Variants in SLC35F4 observed in about 807,000 individuals in gnomAD.
SLC35F4 encodes the protein chromosome 14 open reading frame 36.
SLC35F4 carries 24 observed loss-of-function variants against 44.2 expected under a neutral mutation model. The ratio of observed to expected loss-of-function variants is 0.54; its 90% CI spans 0.39 to 0.76. The LOEUF is 0.76. Among genes scored for constraint, SLC35F4 ranks in the 30% least tolerant of loss-of-function variants. The pLI is 0.00. For missense variants in SLC35F4, 562 were observed against 586.1 expected (o/e 0.96, Z 0.42); for synonymous variants, 238 against 223.6 (o/e 1.06, Z -0.57).
chr14:57,828,726 A>G (rs1884046187), intron 1 of SLC35F4, among the ~76,000 whole-genome samples: 1 of 152,296 alleles, frequency 6.6e-6, no homozygotes, highest in Admixed American at 6.5e-5. Flanking sequence ...GTGATCCAGG[A>G]TAGGAGTTGG....
chr14:57,613,970 C>G (rs1404666900), intron 1 of SLC35F4, among the ~76,000 whole-genome samples: 2 of 152,204 alleles, frequency 1.3e-5, no homozygotes, highest in African/African-American at 4.8e-5. Flanking sequence ...TGCCTTTTCA[C>G]CTAGAAGGCT....
At chr14:57,977,824 C>T (rs188031686) in intron 1 of SLC35F4, among the ~76,000 whole-genome samples, 12 of 152,188 alleles carry the variant, frequency 7.9e-5, no homozygotes, top group South Asian at 4.1e-4. Context: ...GGAGTGGCCC[C>T]GAAAGACAGT....
At chr14:57,735,875 C>T (rs1277939358) in intron 1 of SLC35F4, among the ~76,000 whole-genome samples, 8 of 152,084 alleles carry the variant, frequency 5.3e-5, no homozygotes, top group Non-Finnish European at 1.2e-4. Flanking sequence ...GTGTGTGCCA[C>T]CACCCCCGGC....
At chr14:57,758,923 T>G (rs544591684) in intron 1 of SLC35F4, among the ~76,000 whole-genome samples, 1 of 152,308 alleles carries the variant, frequency 6.6e-6, no homozygotes, top group Non-Finnish European at 1.5e-5. Context: ...GAAACCACCA[T>G]TCTATCCTCT....
chr14:57,804,852 T>A (rs543277155), intron 1 of SLC35F4, among the ~76,000 whole-genome samples: 1 of 151,644 alleles, frequency 6.6e-6, no homozygotes, highest in Non-Finnish European at 1.5e-5. Context: ...TGGGAGAAAA[T>A]TTTTGCAATA....
chr14:57,964,407 T>TA (rs34459578), intron 1 of SLC35F4, among the ~76,000 whole-genome samples: 21 of 150,610 alleles, frequency 1.4e-4, no homozygotes, highest in East Asian at 2.0e-4. Flanking sequence ...ACTCTAAATT[T>TA]AAAAAAAAAA....
intron 1 of SLC35F4, among the ~76,000 whole-genome samples, chr14:57,934,179 T>C (rs1889753611): frequency 2.0e-5 from 3 of 151,810 alleles, no homozygotes; most frequent in African/African-American, 7.3e-5. Flanking sequence ...ATTCCAACAT[T>C]TTTTGTTCTT....
At chr14:57,928,503 A>C (rs140406690) in intron 1 of SLC35F4, among the ~76,000 whole-genome samples, 1 of 152,188 alleles carries the variant, frequency 6.6e-6, no homozygotes, top group Non-Finnish European at 1.5e-5. Flanking sequence ...GCATTAACTG[A>C]GGCTGAGAGG....
chr14:57,832,560 A>G (rs11850873), intron 1 of SLC35F4, among the ~76,000 whole-genome samples: 39,119 of 152,154 alleles, frequency 0.26, 5,344 homozygotes, highest in Admixed American at 0.37. Flanking sequence ...GCTTTATGAC[A>G]GGACTATTTT....
chr14:57,918,011 T>C (rs1889364122), intron 1 of SLC35F4, among the ~76,000 whole-genome samples: 2 of 152,278 alleles, frequency 1.3e-5, no homozygotes, highest in South Asian at 4.2e-4. Flanking sequence ...CTGGATGTGG[T>C]TGGATGTTTT....
chr14:57,886,200 C>T (rs1200672278), intron 1 of SLC35F4, among the ~76,000 whole-genome samples: 1 of 152,116 alleles, frequency 6.6e-6, no homozygotes, highest in East Asian at 1.9e-4. Context: ...AATAAGTTAC[C>T]ATAAGCATTG....
intron 1 of SLC35F4, among the ~76,000 whole-genome samples, chr14:57,597,933 G>A (rs999112052): frequency 1.2e-4 from 18 of 152,238 alleles, no homozygotes; most frequent in African/African-American, 4.3e-4. Context: ...GTCTAAACCT[G>A]GGGAGACCTC....
At chr14:57,801,991 C>A (rs1478239360) in intron 1 of SLC35F4, among the ~76,000 whole-genome samples, 1 of 152,178 alleles carries the variant, frequency 6.6e-6, no homozygotes, top group Non-Finnish European at 1.5e-5. Context: ...CAATAGATAT[C>A]TACAGAACTC....
chr14:57,782,533 G>A (rs766656300), intron 1 of SLC35F4, among the ~76,000 whole-genome samples: 6 of 152,184 alleles, frequency 3.9e-5, no homozygotes, highest in Non-Finnish European at 7.3e-5. Context: ...ACATGGTGGT[G>A]TTTGCAGTTA....
chr14:57,982,977 A>T (rs1019693855), upstream of SLC35F4, among the ~76,000 whole-genome samples: 1 of 151,994 alleles, frequency 6.6e-6, no homozygotes, highest in African/African-American at 2.4e-5. Flanking sequence ...CTGTTCAAGG[A>T]CTCTTGTTTC....
At chr14:57,884,489 C>A (rs938111292) in intron 1 of SLC35F4, among the ~76,000 whole-genome samples, 2 of 152,148 alleles carry the variant, frequency 1.3e-5, no homozygotes, top group Non-Finnish European at 1.5e-5. Flanking sequence ...TCAGGAGACA[C>A]TGATACAAAT....
intron 1 of SLC35F4, among the ~76,000 whole-genome samples, chr14:57,727,144 ATATATATG>A (rs1342270022): frequency 3.4e-4 from 49 of 144,384 alleles, no homozygotes; most frequent in Non-Finnish European, 4.0e-4. Context: ...GTACATATAT[ATATATATG>A]TATTCTATTA....
chr14:57,754,064 A>G (rs2076943525), intron 1 of SLC35F4, among the ~76,000 whole-genome samples: 1 of 151,034 alleles, frequency 6.6e-6, no homozygotes. Context: ...TCCTCTACAC[A>G]GAGATAAGAT....
intron 1 of SLC35F4, among the ~76,000 whole-genome samples, chr14:57,728,708 C>T (rs2076274581): frequency 1.3e-5 from 2 of 152,000 alleles, no homozygotes; most frequent in African/African-American, 4.8e-5. Flanking sequence ...AGTGATCTGC[C>T]CTCCTTGGCC....
Sources: gnomAD v4.1 joint callset for allele counts (sites outside exome capture counted in the v4.1 genomes callset) on GRCh38, gnomAD v4.1.1 for gene constraint, MANE v1.5 for transcripts, NCBI Gene and HGNC (gene_info 2026-07-23, HGNC 2026-07-21) for gene names.